The following TYW1 variants were observed in gnomAD, a reference collection of about 807,000 sequenced individuals.
The protein encoded by TYW1 is tRNA-yW synthesizing protein 1 homolog, also known as S-adenosyl-L-methionine-dependent tRNA 4-demethylwyosine synthase TYW1.
Under a neutral mutation model 96.2 loss-of-function variants are expected in TYW1, and 46 were observed. The ratio of observed to expected loss-of-function variants is 0.48; its 90% CI spans 0.38 to 0.61. TYW1 has a LOEUF of 0.61. TYW1 is among the 20% of genes least tolerant of loss of function. The probability of loss-of-function intolerance (pLI) is 0.00; values close to 1 mark genes in which losing one functional copy is unlikely to be tolerated. For synonymous variants in TYW1, 274 were observed against 323.0 expected (o/e 0.85, Z 1.63); for missense variants, 684 against 909.6 (o/e 0.75, Z 3.19).
intron 13 of TYW1, among the ~76,000 whole-genome samples, chr7:67,144,399 A>G (rs370617351): frequency 6.6e-6 from 1 of 152,242 alleles, no homozygotes; most frequent in East Asian, 1.9e-4. Context: ...ATGAACAGAC[A>G]TCTCTTCCAA....
intron 5 of TYW1, among the ~76,000 whole-genome samples, chr7:67,015,450 C>G (rs984037764): frequency 2.6e-5 from 4 of 152,156 alleles, no homozygotes; most frequent in Admixed American, 2.0e-4. Flanking sequence ...GTCCTAGGCT[C>G]AAGGGATCCT....
Position 67,117,560 on chromosome 7 carries a change from C to T in TYW1, c.1640C>T (p.Pro547Leu), listed in dbSNP as rs748484051. 1.9e-6 allele frequency: 3 copies of T among 1,613,948 alleles called. No homozygotes were observed. The highest frequency in any genetic ancestry group is 2.5e-6 in the Non-Finnish European group (3 of 1,179,996). The stretch of plus-strand genomic sequence containing the variant: ...GACAGCCTGAAGAAAATCGACCGCC[C>T]ACTCTTCAAGGATTTCTGGCAGAGA... Reference protein sequence around the residue: ...TKDSLKKIDRPLFKDFWQRFL... With the variant: ...TKDSLKKIDRLLFKDFWQRFL... Residue 547 changes from proline (P) to leucine (L), a missense_variant, in exon 13 of 16, where the codon CCA becomes CTA. Physicochemically the swap from Pro to Leu is moderately conservative, Grantham distance 98 (BLOSUM62 -3). Transcript: ENST00000359626.
intron 3 of TYW1, among the ~76,000 whole-genome samples, chr7:67,001,421 T>A (rs1199586536): frequency 2.1e-5 from 3 of 145,794 alleles, no homozygotes; most frequent in Admixed American, 2.0e-4. Flanking sequence ...TTTATTTATT[T>A]TTTATTTATT....
chr7:67,110,434 C>G (rs1128730), intron 12 of TYW1, among the ~76,000 whole-genome samples: 3 of 152,082 alleles, frequency 2.0e-5, no homozygotes, highest in Admixed American at 6.6e-5. Flanking sequence ...CAGAGCCCCT[C>G]GACAAAGGCT....
In TYW1 at chr7:66,996,917, C is replaced by T. The variant is rs1793183861; in HGVS notation, c.-62C>T. ...AGGTAGCTCGGTGCGTCTCGCGGTA[C>T]CAGTGCGAATCATCGGGCTATCCAG... On this transcript the variant is annotated 5_prime_UTR_variant, in exon 1 of 16. Coordinates refer to ENST00000359626, the MANE Select transcript of TYW1 (RefSeq NM_018264.4). The T allele has an allele frequency of 3.1e-6, 5 of 1,612,610 alleles. No individual in the cohort carries two copies. The highest frequency in any genetic ancestry group is 4.2e-6 in the Non-Finnish European group (5 of 1,179,452).
chr7:67,092,105 T>C (rs1228102701), intron 11 of TYW1, among the ~76,000 whole-genome samples: 4 of 152,192 alleles, frequency 2.6e-5, no homozygotes, highest in African/African-American at 9.7e-5. Flanking sequence ...ATGGCAGCCA[T>C]GTTGCTGGAG....
chr7:67,015,223 C>T (rs1049732813), intron 5 of TYW1, among the ~76,000 whole-genome samples: 5 of 152,056 alleles, frequency 3.3e-5, no homozygotes, highest in Non-Finnish European at 5.9e-5. Context: ...AGGCTGTTCT[C>T]GAACTCCTGA....
At chr7:67,206,050 C>T (rs1800788535) in intron 15 of TYW1, among the ~76,000 whole-genome samples, 1 of 152,210 alleles carries the variant, frequency 6.6e-6, no homozygotes, top group South Asian at 2.1e-4. Context: ...CCATCTTGTC[C>T]AGAACCAGAC....
At chr7:67,008,793 G>A (rs7796639) in intron 3 of TYW1, among the ~76,000 whole-genome samples, 1 of 152,070 alleles carries the variant, frequency 6.6e-6, no homozygotes, top group Non-Finnish European at 1.5e-5. Flanking sequence ...CTCCCGGGTA[G>A]CTGGGATTAT....
At chr7:67,038,279 G>A (rs1370146499) in intron 7 of TYW1, among the ~76,000 whole-genome samples, 2 of 151,752 alleles carry the variant, frequency 1.3e-5, no homozygotes, top group Non-Finnish European at 2.9e-5. Context: ...CTCCAGCCTG[G>A]GTGACAGAGT....
At chr7:67,102,566 A>C (rs1797116734) in intron 12 of TYW1, among the ~76,000 whole-genome samples, 1 of 152,222 alleles carries the variant, frequency 6.6e-6, no homozygotes, top group African/African-American at 2.4e-5. Flanking sequence ...CCGATCCTGA[A>C]AATGAGAGTT....
chr7:67,113,481 C>T (rs2948341), intron 12 of TYW1, among the ~76,000 whole-genome samples: 1 of 152,144 alleles, frequency 6.6e-6, no homozygotes, highest in Non-Finnish European at 1.5e-5. Flanking sequence ...TATGGAATAC[C>T]GTTTGTTACA....
At chr7:67,191,081 C>T (rs1447010732) in intron 14 of TYW1, among the ~76,000 whole-genome samples, 1 of 152,158 alleles carries the variant, frequency 6.6e-6, no homozygotes, top group Non-Finnish European at 1.5e-5. Flanking sequence ...AGCATGGTGC[C>T]AACAGCTGCT....
intron 13 of TYW1, among the ~76,000 whole-genome samples, chr7:67,168,005 G>T (rs1320688939): frequency 1.3e-5 from 2 of 151,946 alleles, no homozygotes; most frequent in Non-Finnish European, 2.9e-5. Flanking sequence ...CGCCCACCTC[G>T]GCCTCCCAAA....
rs182753342 is a variant in TYW1 at position 67,013,151 on chromosome 7, C to T, written c.376-1216C>T. On this transcript the variant is annotated intron_variant, in intron 4 of 15. Coordinates refer to ENST00000359626, the MANE Select transcript of TYW1 (RefSeq NM_018264.4). ...TTTTTTTGAGATGGAGTCTTCGCTTCGTTGCCCAGGCTGGAGTGCAGTGTG... is the reference window on the plus strand; with the variant it reads ...TTTTTTTGAGATGGAGTCTTCGCTTTGTTGCCCAGGCTGGAGTGCAGTGTG... 9.6e-3 allele frequency among the ~76,000 whole-genome samples: 1,429 copies of T among 149,250 alleles called. 28 individuals are homozygous for T. The highest frequency in any genetic ancestry group is 0.051 in the Admixed American group (754 of 14,854).
intron 12 of TYW1, among the ~76,000 whole-genome samples, chr7:67,112,817 G>A (rs1178382348): frequency 6.6e-6 from 1 of 152,072 alleles, no homozygotes; most frequent in Non-Finnish European, 1.5e-5. Flanking sequence ...GATGCAGAAC[G>A]GTGCGCTGTG....
chr7:67,215,798 C>A (rs541530045), intron 15 of TYW1, among the ~76,000 whole-genome samples: 2 of 152,278 alleles, frequency 1.3e-5, no homozygotes, highest in East Asian at 1.9e-4. Flanking sequence ...GGGCAGGAAG[C>A]ATCCAGCATG....
rs760927691 is a variant in TYW1, at chr7:67,017,766, C to T, written c.571-87C>T. The T allele has an allele frequency of 1.7e-5, 26 of 1,518,754 alleles. No individual in the cohort carries two copies. In the Middle Eastern group the frequency reaches 8.9e-4, roughly 52 times the overall value. 94.1% of individuals were successfully genotyped at this position (1,518,754 alleles called of 1,614,324 possible). ...AGCGGCAGCCCATGACCAGGGGCCT[C>T]GGAAGGACTTTGGGCTTTTGCAGAG... On this transcript the variant is annotated intron_variant, in intron 5 of 15. Coordinates refer to ENST00000359626, the MANE Select transcript of TYW1 (RefSeq NM_018264.4).
intron 4 of TYW1, among the ~76,000 whole-genome samples, chr7:67,010,319 AATTT>A (rs1490701123): frequency 6.7e-6 from 1 of 149,960 alleles, no homozygotes; most frequent in Non-Finnish European, 1.5e-5. Flanking sequence ...ATTTTTTTAA[AATTT>A]ATTTTATAGA....
Sources: allele counts gnomAD v4.1 joint callset (sites outside exome capture counted in the v4.1 genomes callset), GRCh38; gene constraint gnomAD v4.1.1; transcripts MANE v1.5; gene names NCBI Gene and HGNC (gene_info 2026-07-23, HGNC 2026-07-21).